Variants in ERAP1 observed in about 807,000 individuals in gnomAD.
The protein encoded by ERAP1 is endoplasmic reticulum aminopeptidase 1, also known as adipocyte-derived leucine aminopeptidase.
Under a neutral mutation model 103.7 loss-of-function variants are expected in ERAP1, and 86 were observed. The ratio of observed to expected loss-of-function variants is 0.83; its 90% CI spans 0.70 to 0.99. The LOEUF is 0.99. ERAP1 is among the 50% of genes least tolerant of loss of function. The probability of loss-of-function intolerance (pLI) is 0.00; values close to 1 mark genes in which losing one functional copy is unlikely to be tolerated. For synonymous variants in ERAP1, 398 were observed against 402.4 expected, an observed-to-expected ratio of 0.99 and a Z score of 0.13; for missense variants, 1,009 against 1,128.4, an observed-to-expected ratio of 0.89 and a Z score of 1.52.
the ERAP1 span, among the ~76,000 whole-genome samples, chr5:96,898,645 CAGG>C: frequency 1.3e-5 from 2 of 150,964 alleles, no homozygotes; most frequent in East Asian, 3.9e-4. Context: ...GAGGTTGAGG[CAGG>C]AGAATCACTT....
the ERAP1 span, among the ~76,000 whole-genome samples, chr5:96,933,067 T>C: frequency 6.6e-6 from 1 of 152,186 alleles, no homozygotes; most frequent in African/African-American, 2.4e-5. Context: ...TGATATCATA[T>C]TCCCTCAAAA....
chr5:96,910,617 C>T, the ERAP1 span, among the ~76,000 whole-genome samples: 1 of 152,166 alleles, frequency 6.6e-6, no homozygotes, highest in Non-Finnish European at 1.5e-5. Flanking sequence ...GAAAGATAAT[C>T]TTAACCTGCA....
At chr5:96,855,297 G>A in the ERAP1 span, among the ~76,000 whole-genome samples, 3 of 152,134 alleles carry the variant, frequency 2.0e-5, no homozygotes, top group Non-Finnish European at 2.9e-5. Flanking sequence ...AAACACTTTC[G>A]ATTAATGATA....
At chr5:96,831,248 A>AG in the ERAP1 span, among the ~76,000 whole-genome samples, 1 of 152,148 alleles carries the variant, frequency 6.6e-6, no homozygotes, top group East Asian at 1.9e-4. Flanking sequence ...ACCAGATCTC[A>AG]CAATTCACTC....
upstream of ERAP1, among the ~76,000 whole-genome samples, chr5:96,811,806 T>C (rs1779173854): frequency 6.6e-6 from 1 of 152,192 alleles, no homozygotes; most frequent in African/African-American, 2.4e-5. Context: ...TGATCACATG[T>C]TTCCCATTTT....
the ERAP1 span, among the ~76,000 whole-genome samples, chr5:96,898,318 C>T: frequency 6.6e-6 from 1 of 151,962 alleles, no homozygotes; most frequent in Non-Finnish European, 1.5e-5. Flanking sequence ...CACTTATGGT[C>T]CAACTGATGT....
At chr5:96,867,372 G>A in the ERAP1 span, among the ~76,000 whole-genome samples, 1 of 152,134 alleles carries the variant, frequency 6.6e-6, no homozygotes, top group African/African-American at 2.4e-5. Flanking sequence ...AAACTTAGTG[G>A]CTTAAAGCAA....
the ERAP1 span, chr5:96,880,158 C>T: frequency 3.7e-6 from 6 of 1,614,054 alleles, no homozygotes; most frequent in African/African-American, 1.3e-5. Flanking sequence ...AAACTTACGC[C>T]TCACCTGAAA....
rs532477289 is a variant in ERAP1, at chr5:96,800,932, G to A, written c.593C>T (p.Ala198Val). 3 of 1,614,068 alleles carry A rather than the reference G, an allele frequency of 1.9e-6. No individual in the cohort carries two copies. Among genetic ancestry groups the A allele is most frequent in the South Asian group, 1.1e-5 (1 of 91,086 alleles). The stretch of plus-strand genomic sequence containing the variant: ...TTTGATTGAGAAACTTGCTTTGAAG[G>A]CAGGTTCATCAAAGCAGGGAAAGGC... ...RMAFPCFDEP[A>V]FKASFSIKIR... Residue 198 changes from alanine (A) to valine (V), a missense_variant, in exon 3 of 19, where the codon GCC becomes GTC. Around this residue, in one of 3 missense-constraint regions of ERAP1, gnomAD observed 392 missense variants for 455.2 expected, o/e 0.86. Transcript: ENST00000443439.
At chr5:96,835,130 T>G in the ERAP1 span, among the ~76,000 whole-genome samples, 4 of 152,250 alleles carry the variant, frequency 2.6e-5, no homozygotes, top group Non-Finnish European at 4.4e-5. Flanking sequence ...GGTAACACCA[T>G]GACACTGTCT....
chr5:96,871,010 A>G, the ERAP1 span, among the ~76,000 whole-genome samples: 4 of 152,156 alleles, frequency 2.6e-5, no homozygotes, highest in East Asian at 7.7e-4. Flanking sequence ...GTGCATATTG[A>G]TCATTGATCA....
the ERAP1 span, among the ~76,000 whole-genome samples, chr5:96,879,379 T>G: frequency 6.6e-6 from 1 of 152,234 alleles, no homozygotes; most frequent in African/African-American, 2.4e-5. Flanking sequence ...GGGGGAGTCC[T>G]AAAGGGTTTT....
the ERAP1 span, among the ~76,000 whole-genome samples, chr5:96,931,947 T>C: frequency 1.3e-5 from 2 of 152,220 alleles, no homozygotes; most frequent in Non-Finnish European, 2.9e-5. Context: ...TTTAAACTAG[T>C]TTTACTCAGA....
At chr5:96,901,286 A>G in the ERAP1 span, among the ~76,000 whole-genome samples, 26 of 152,130 alleles carry the variant, frequency 1.7e-4, no homozygotes, top group African/African-American at 5.8e-4. Context: ...TCACCCTACT[A>G]TATCCTGTAT....
rs1372421055 is a variant in ERAP1, at chr5:96,774,915, GTACCAATCATCAATCA to G, written c.*1465_*1480del. 1.0e-6 allele frequency: 1 copy of G among 984,896 alleles called. No individual in the cohort carries two copies. Among genetic ancestry groups the G allele is most frequent in the African/African-American group, 1.7e-5 (1 of 57,148 alleles). The allele number at this position is 984,896 out of a possible 1,614,324, so 61.0% of individuals were successfully genotyped here. On this transcript the variant is annotated 3_prime_UTR_variant, in exon 19 of 19. Transcript: ENST00000443439. ...AGGGGAACACATTTTGACATTTTTCGTACCAATCATCAATCATATTCCCTTATCTTGAAGTTTTTGC... is the reference window on the plus strand; with the variant it reads ...AGGGGAACACATTTTGACATTTTTCGTATTCCCTTATCTTGAAGTTTTTGC...
At chr5:96,820,010 T>C in the ERAP1 span, among the ~76,000 whole-genome samples, 1 of 152,224 alleles carries the variant, frequency 6.6e-6, no homozygotes, top group Non-Finnish European at 1.5e-5. Context: ...TTCACCCATA[T>C]GTGGGCCAAT....
upstream of ERAP1, among the ~76,000 whole-genome samples, chr5:96,811,315 C>T (rs1335729148): frequency 6.6e-6 from 1 of 152,164 alleles, no homozygotes; most frequent in Non-Finnish European, 1.5e-5. Context: ...ATAAAGTCCT[C>T]TGAAATGTGG....
chr5:96,765,906 G>A (rs1769770296), intron 19 of ERAP1: 1 of 564,478 alleles, frequency 1.8e-6, no homozygotes, highest in East Asian at 3.0e-5. Flanking sequence ...GAAGTCATCT[G>A]TGTTGTTCTG....
At chr5:96,804,979 G>A (rs958127188) in intron 1 of ERAP1, 1 of 143,684 alleles carries the variant, frequency 7.0e-6, no homozygotes, top group Non-Finnish European at 1.5e-5. Context: ...GAATTTTAAG[G>A]AAGTTGGCAA....
Sources: gnomAD v4.1 joint callset for allele counts (sites outside exome capture counted in the v4.1 genomes callset) on GRCh38, gnomAD v4.1.1 for gene constraint, gnomAD v4.1.1 regional missense constraint, MANE v1.5 for transcripts, NCBI Gene and HGNC (gene_info 2026-07-23, HGNC 2026-07-21) for gene names.